The following CSMD1 variants were observed in gnomAD, a reference collection of about 807,000 sequenced individuals.
CSMD1 encodes the protein CUB and Sushi multiple domains 1.
CSMD1 carries 213 observed loss-of-function variants against 417.5 expected under a neutral mutation model. That is an observed-to-expected ratio of 0.51 (90% CI 0.46 to 0.57). The LOEUF is 0.57. Ranked by LOEUF, CSMD1 falls within the 20% of genes least tolerant of loss-of-function variation. CSMD1 has a pLI of 0.00. For synonymous variants in CSMD1, 2,862 were observed against 1,736.8 expected, an observed-to-expected ratio of 1.65 and a Z score of -16.11; for missense variants, 6,923 against 4,529.7, an observed-to-expected ratio of 1.53 and a Z score of -15.17.
At chr8:3,762,044 A>T (rs540294305) in intron 5 of CSMD1, among the ~76,000 whole-genome samples, 4 of 151,950 alleles carry the variant, frequency 2.6e-5, no homozygotes, top group African/African-American at 9.7e-5. Context: ...GTGCCCTCCT[A>T]TAGTCAATTT....
intron 13 of CSMD1, 147 bp downstream of exon 13, chr8:3,409,276 G>A (rs1360050674): frequency 2.4e-5 from 14 of 577,114 alleles, no homozygotes; most frequent in South Asian, 1.8e-4. Flanking sequence ...GTTCGAGAAC[G>A]TCCTTGCACG....
At chr8:3,457,580 C>A (rs1478951766) in intron 12 of CSMD1, among the ~76,000 whole-genome samples, 2 of 152,206 alleles carry the variant, frequency 1.3e-5, no homozygotes, top group African/African-American at 2.4e-5. Context: ...TTAAAAAACA[C>A]AGGATGAATT....
intron 10 of CSMD1, among the ~76,000 whole-genome samples, chr8:3,534,492 G>C (rs567550193): frequency 7.0e-6 from 1 of 142,798 alleles, no homozygotes; most frequent in East Asian, 2.1e-4. Context: ...TCAGCGATAA[G>C]TAGATATTTT....
rs547084423 is a variant in CSMD1, at chr8:4,072,453, G to A, written c.416-40354C>T. Among the ~76,000 whole-genome samples, 20 of 152,102 alleles carry A rather than the reference G, an allele frequency of 1.3e-4. No homozygotes were observed. In the East Asian group the frequency reaches 2.5e-3, roughly 19 times the overall value. ...TCAATTCTTATTTCTCTGGGAGATA[G>A]ACTTTATTATTTCGCACTTGTAGTG... On this transcript the variant is annotated intron_variant, in intron 3 of 69. Transcript: ENST00000635120.
chr8:2,949,693 T>C (rs1478678047), intron 67 of CSMD1, among the ~76,000 whole-genome samples: 1 of 150,278 alleles, frequency 6.7e-6, no homozygotes, highest in Non-Finnish European at 1.5e-5. Context: ...AACGTATGAA[T>C]TAAGAAATAA....
intron 1 of CSMD1, among the ~76,000 whole-genome samples, chr8:4,724,471 C>T (rs1457197): frequency 0.092 from 13,832 of 151,098 alleles, 1,027 homozygotes; most frequent in African/African-American, 0.2. Context: ...TTATAAGTAG[C>T]TGGGAGTTCA....
chr8:4,865,477 C>A (rs1422329431), intron 1 of CSMD1, among the ~76,000 whole-genome samples: 1 of 151,742 alleles, frequency 6.6e-6, no homozygotes, highest in East Asian at 1.9e-4. Context: ...ATATACACAG[C>A]TTCAGTAGGT....
chr8:3,171,974 A>T (rs1820608055), intron 37 of CSMD1, among the ~76,000 whole-genome samples: 1 of 152,198 alleles, frequency 6.6e-6, no homozygotes, highest in South Asian at 2.1e-4. Flanking sequence ...CTGTTTCCAA[A>T]GGCTAGACTT....
At chr8:3,832,432 A>G (rs1388151680) in intron 5 of CSMD1, among the ~76,000 whole-genome samples, 1 of 152,198 alleles carries the variant, frequency 6.6e-6, no homozygotes, top group Non-Finnish European at 1.5e-5. Context: ...GAATTGCCTT[A>G]ATTATAAAGC....
At chr8:4,375,978 T>A (rs1802707066) in intron 3 of CSMD1, among the ~76,000 whole-genome samples, 1 of 152,162 alleles carries the variant, frequency 6.6e-6, no homozygotes, top group Non-Finnish European at 1.5e-5. Flanking sequence ...ATGCTGCTTA[T>A]CCCACTGTTT....
intron 3 of CSMD1, among the ~76,000 whole-genome samples, chr8:4,369,988 C>A (rs1025146383): frequency 6.6e-6 from 1 of 152,042 alleles, no homozygotes; most frequent in African/African-American, 2.4e-5. Flanking sequence ...TATCTATCAT[C>A]TTGCTGTAAG....
At chr8:4,372,626 A>G (rs1165611186) in intron 3 of CSMD1, among the ~76,000 whole-genome samples, 1 of 94,692 alleles carries the variant, frequency 1.1e-5, no homozygotes, top group Admixed American at 1.1e-4. Context: ...AAAGTAAGGA[A>G]GTGTTAAAAA....
chr8:4,343,813 G>A (rs1057003126), intron 3 of CSMD1, among the ~76,000 whole-genome samples: 3 of 152,084 alleles, frequency 2.0e-5, no homozygotes, highest in Non-Finnish European at 4.4e-5. Context: ...GAACAGTTCT[G>A]ATGAGACACT....
intron 1 of CSMD1, among the ~76,000 whole-genome samples, chr8:4,639,936 GT>G (rs2130865056): frequency 6.6e-6 from 1 of 152,242 alleles, no homozygotes; most frequent in South Asian, 2.1e-4. Context: ...AAGCTGTGGG[GT>G]TTTGAAAGGT....
At chr8:3,712,422 C>A (rs369517383) in intron 6 of CSMD1, among the ~76,000 whole-genome samples, 3 of 123,670 alleles carry the variant, frequency 2.4e-5, no homozygotes, top group African/African-American at 8.3e-5. Flanking sequence ...GACAGACAGA[C>A]AGACAGACAG....
intron 3 of CSMD1, among the ~76,000 whole-genome samples, chr8:4,409,543 T>G (rs543802960): frequency 6.6e-6 from 1 of 152,208 alleles, no homozygotes; most frequent in Non-Finnish European, 1.5e-5. Flanking sequence ...CAGCTCATTG[T>G]TAATTCAGAA....
At chr8:3,325,639 C>T (rs979218056) in intron 23 of CSMD1, among the ~76,000 whole-genome samples, 4 of 152,106 alleles carry the variant, frequency 2.6e-5, no homozygotes, top group African/African-American at 7.2e-5. Flanking sequence ...GCCTGCTCAG[C>T]GTGGTGAAAC....
intron 11 of CSMD1, among the ~76,000 whole-genome samples, chr8:3,473,941 G>C (rs1402337642): frequency 6.6e-6 from 1 of 152,156 alleles, no homozygotes; most frequent in Non-Finnish European, 1.5e-5. Flanking sequence ...GAGAGAGCAT[G>C]TGAGGGAGGA....
At chr8:3,267,338 C>T (rs548644668) in intron 26 of CSMD1, among the ~76,000 whole-genome samples, 15 of 152,306 alleles carry the variant, frequency 9.8e-5, no homozygotes, top group African/African-American at 3.6e-4. Context: ...GATCATCTAT[C>T]GCGTACGAAA....
Sources: allele counts gnomAD v4.1 joint callset (sites outside exome capture counted in the v4.1 genomes callset), GRCh38; gene constraint gnomAD v4.1.1; transcripts MANE v1.5; gene names NCBI Gene and HGNC (gene_info 2026-07-23, HGNC 2026-07-21).